The following PCDH9 variants were observed in gnomAD, a reference collection of about 807,000 sequenced individuals.
The protein encoded by PCDH9 is protocadherin-9.
Under a neutral mutation model 70.6 loss-of-function variants are expected in PCDH9, and 24 were observed. That is an observed-to-expected ratio of 0.34 (90% CI 0.25 to 0.48). The LOEUF (loss-of-function observed/expected upper bound fraction) is 0.48. Among genes scored for constraint, PCDH9 ranks in the 20% least tolerant of loss-of-function variants. The pLI, the probability that PCDH9 is intolerant of heterozygous loss-of-function variation, is 0.99. For missense variants in PCDH9, 1,281 were observed against 1,503.6 expected (o/e 0.85, Z 2.45); for synonymous variants, 562 against 558.5 (o/e 1.01, Z -0.09).
chr13:66,804,292 A>G (rs769007672), intron 3 of PCDH9, among the ~76,000 whole-genome samples: 2 of 152,192 alleles, frequency 1.3e-5, no homozygotes, highest in Non-Finnish European at 2.9e-5. Context: ...CTGAATCACC[A>G]ATAATTAGAT....
intron 4 of PCDH9, among the ~76,000 whole-genome samples, chr13:66,420,371 T>C (rs972078365): frequency 6.6e-6 from 1 of 152,164 alleles, no homozygotes; most frequent in African/African-American, 2.4e-5. Flanking sequence ...CTGTGCCTCA[T>C]GATGGGGAGA....
intron 3 of PCDH9, among the ~76,000 whole-genome samples, chr13:66,745,686 A>G (rs1480088571): frequency 6.6e-6 from 1 of 152,142 alleles, no homozygotes; most frequent in Non-Finnish European, 1.5e-5. Context: ...TAAATTAATA[A>G]TAATTATTTC....
intron 3 of PCDH9, among the ~76,000 whole-genome samples, chr13:66,636,524 G>C (rs981293198): frequency 4.0e-5 from 6 of 151,880 alleles, no homozygotes; most frequent in African/African-American, 1.5e-4. Flanking sequence ...ATTAATGACA[G>C]ACATTTAAAA....
At chr13:66,971,403 T>C (rs764078822) in intron 2 of PCDH9, among the ~76,000 whole-genome samples, 17 of 152,182 alleles carry the variant, frequency 1.1e-4, no homozygotes, top group Middle Eastern at 3.4e-3. Context: ...TAAAAATCCC[T>C]TTTTTAAAAA....
intron 4 of PCDH9, among the ~76,000 whole-genome samples, chr13:66,485,727 T>C (rs1026279994): frequency 1.1e-4 from 16 of 151,998 alleles, no homozygotes; most frequent in Non-Finnish European, 1.9e-4. Flanking sequence ...TTTATTCATT[T>C]ATTTATTTAT....
At chr13:66,403,118 A>G (rs1012497371) in intron 4 of PCDH9, among the ~76,000 whole-genome samples, 2 of 151,672 alleles carry the variant, frequency 1.3e-5, no homozygotes, top group African/African-American at 4.8e-5. Flanking sequence ...TCCTAAAGCC[A>G]TTTACAGCTT....
intron 3 of PCDH9, among the ~76,000 whole-genome samples, chr13:66,670,712 C>T (rs568050973): frequency 4.5e-4 from 68 of 151,976 alleles, no homozygotes; most frequent in African/African-American, 1.4e-3. Context: ...TTCACAGGTA[C>T]TGATGATATA....
chr13:66,842,621 C>T (rs1007333867), intron 3 of PCDH9, among the ~76,000 whole-genome samples: 6 of 152,218 alleles, frequency 3.9e-5, no homozygotes, highest in African/African-American at 1.2e-4. Flanking sequence ...AAAATTACTT[C>T]CAATTTGTGA....
intron 2 of PCDH9, among the ~76,000 whole-genome samples, chr13:67,062,651 CT>C (rs2085561751): frequency 6.6e-6 from 1 of 152,094 alleles, no homozygotes; most frequent in South Asian, 2.1e-4. Context: ...TATTCCTTTG[CT>C]CTTGAACTTG....
At chr13:66,658,967 A>G (rs2077969826) in intron 3 of PCDH9, among the ~76,000 whole-genome samples, 1 of 152,176 alleles carries the variant, frequency 6.6e-6, no homozygotes, top group Admixed American at 6.5e-5. Flanking sequence ...ACATATAAAA[A>G]CTAGCCTCCT....
intron 2 of PCDH9, among the ~76,000 whole-genome samples, chr13:66,977,711 A>G (rs1324664304): frequency 1.3e-5 from 2 of 152,132 alleles, no homozygotes; most frequent in African/African-American, 4.8e-5. Context: ...GTAACTGAGC[A>G]GAAGGTATCT....
At chr13:66,756,004 A>C (rs1301623136) in intron 3 of PCDH9, among the ~76,000 whole-genome samples, 1 of 152,130 alleles carries the variant, frequency 6.6e-6, no homozygotes, top group Admixed American at 6.5e-5. Context: ...TTGCCCAGTA[A>C]TTGTGGTCAA....
At position 66,628,797 on chromosome 13, in the gene PCDH9, T is replaced by C. The variant is rs1398656084; in HGVS notation, c.3340+2413A>G. ...TTTTTGTGCATATATATTGCTGCTA[T>C]GATAGTGAAGGTATATATAACATAA... On this transcript the variant is annotated intron_variant, in intron 4 of 4. Coordinates refer to ENST00000377865, the MANE Select transcript of PCDH9 (RefSeq NM_203487.3). Among the ~76,000 whole-genome samples the C allele has an allele frequency of 5.9e-5, 9 of 152,374 alleles. No individual in the cohort carries two copies. The East Asian group carries it at 1.3e-3, about 23-fold the overall frequency.
At chr13:66,856,392 AC>A (rs1374698609) in intron 3 of PCDH9, among the ~76,000 whole-genome samples, 2 of 152,060 alleles carry the variant, frequency 1.3e-5, no homozygotes, top group African/African-American at 4.8e-5. Context: ...TAAATATGGA[AC>A]AAAGTAATAA....
At chr13:66,305,167 T>G (rs1955443013) in intron 4 of PCDH9, 139 bp from the exon 5 acceptor site, 1 of 746,584 alleles carries the variant, frequency 1.3e-6, no homozygotes, top group Non-Finnish European at 2.1e-6. Flanking sequence ...CAAAGATATA[T>G]TTCTCCATCT....
intron 4 of PCDH9, among the ~76,000 whole-genome samples, chr13:66,395,931 A>G (rs1293391239): frequency 2.0e-5 from 3 of 152,208 alleles, no homozygotes; most frequent in Admixed American, 6.5e-5. Flanking sequence ...GCACCCTTCT[A>G]GTATAGTTTA....
chr13:66,951,937 A>T (rs1294044972), intron 2 of PCDH9, among the ~76,000 whole-genome samples: 1 of 152,100 alleles, frequency 6.6e-6, no homozygotes, highest in Non-Finnish European at 1.5e-5. Flanking sequence ...TATAAAATAA[A>T]CATGGGGGGT....
chr13:67,021,886 T>C (rs1336967326), intron 2 of PCDH9, among the ~76,000 whole-genome samples: 1 of 151,952 alleles, frequency 6.6e-6, no homozygotes, highest in Admixed American at 6.6e-5. Context: ...ATGTAAATTA[T>C]TTTTGTTTTT....
At chr13:66,354,408 T>C (rs1214856298) in intron 4 of PCDH9, among the ~76,000 whole-genome samples, 1 of 152,126 alleles carries the variant, frequency 6.6e-6, no homozygotes, top group Non-Finnish European at 1.5e-5. Flanking sequence ...CTGCTTTTTT[T>C]CCTGTGTGTA....
Sources: gnomAD v4.1 joint callset for allele counts (sites outside exome capture counted in the v4.1 genomes callset) on GRCh38, gnomAD v4.1.1 for gene constraint, MANE v1.5 for transcripts, NCBI Gene and HGNC (gene_info 2026-07-23, HGNC 2026-07-21) for gene names.